Variants in MAP4K4 observed in about 807,000 individuals in gnomAD.
MAP4K4 encodes mitogen-activated protein kinase kinase kinase kinase 4.
A neutral mutation model predicts 189.6 loss-of-function variants in MAP4K4; 38 were observed. The ratio of observed to expected loss-of-function variants is 0.20; its 90% CI spans 0.15 to 0.26. The LOEUF (loss-of-function observed/expected upper bound fraction) is 0.26, where lower values mean the gene tolerates loss of function less well. Ranked by LOEUF, MAP4K4 falls within the 10% of genes least tolerant of loss-of-function variation. The pLI is 1.00. For missense variants in MAP4K4, 1,054 were observed against 1,726.9 expected, an observed-to-expected ratio of 0.61 and a Z score of 6.91; for synonymous variants, 610 against 624.3, an observed-to-expected ratio of 0.98 and a Z score of 0.34.
At chr2:101,698,171 G>GAGCAGCC in intron 1 of MAP4K4, 34 bp downstream of exon 1, 1 of 959,354 alleles carries the variant, frequency 1.0e-6, no homozygotes, top group Non-Finnish European at 1.3e-6. Context: ...CGCGGGGAGC[G>GAGCAGCC]GGCAGCCGGC....
intron 13 of MAP4K4, 25 bp from the exon 14 acceptor site, chr2:101,858,970 AT>A: frequency 6.4e-7 from 1 of 1,573,008 alleles, no homozygotes; most frequent in East Asian, 2.3e-5. Context: ...GGATAATTTG[AT>A]TGCTGGGTGA....
At chr2:101,771,075 A>C (rs2081213641) in intron 2 of MAP4K4, among the ~76,000 whole-genome samples, 1 of 152,190 alleles carries the variant, frequency 6.6e-6, no homozygotes, top group African/African-American at 2.4e-5. Flanking sequence ...AAGTAATAAA[A>C]TAGTTGGATA....
At chr2:101,773,245 A>G (rs190213636) in intron 2 of MAP4K4, among the ~76,000 whole-genome samples, 1 of 152,300 alleles carries the variant, frequency 6.6e-6, no homozygotes, top group Admixed American at 6.5e-5. Context: ...TTTGCTTGAC[A>G]ATGTGGTAAG....
intron 21 of MAP4K4, 123 bp from the exon 22 acceptor site, chr2:101,869,499 A>G: frequency 4.3e-6 from 3 of 691,904 alleles, no homozygotes; most frequent in Non-Finnish European, 7.4e-6. Context: ...TTCTCATGAA[A>G]CTGGGTAACT....
At chr2:101,753,956 G>A (rs771100525) in intron 2 of MAP4K4, among the ~76,000 whole-genome samples, 4 of 152,100 alleles carry the variant, frequency 2.6e-5, no homozygotes, top group Non-Finnish European at 5.9e-5. Context: ...GACAGCTAGC[G>A]CCTGGGGTCT....
At chr2:101,891,284 G>A (rs374637946) in exon 33 of MAP4K4, 1 of 1,566,568 alleles carries the variant, frequency 6.4e-7, no homozygotes, top group Admixed American at 1.7e-5. Flanking sequence ...GGCCTCCAGA[G>A]TCTTCAAGAT....
chr2:101,865,070 C>A, intron 18 of MAP4K4, 34 bp downstream of exon 18: 1 of 1,296,764 alleles, frequency 7.7e-7, no homozygotes, highest in Non-Finnish European at 1.1e-6. Context: ...AACAGGCCTT[C>A]TGTGCAGTCT....
intron 2 of MAP4K4, among the ~76,000 whole-genome samples, chr2:101,761,610 G>C (rs114725563): frequency 0.059 from 8,856 of 150,862 alleles, 309 homozygotes; most frequent in African/African-American, 0.091. Flanking sequence ...CCGGGCTGGA[G>C]TGCAATGGCA....
intron 6 of MAP4K4, among the ~76,000 whole-genome samples, chr2:101,831,314 G>A (rs773288725): frequency 6.6e-6 from 1 of 152,022 alleles, no homozygotes; most frequent in Non-Finnish European, 1.5e-5. Context: ...TATCTTTATG[G>A]TTATTAGTGC....
intron 3 of MAP4K4, among the ~76,000 whole-genome samples, chr2:101,807,347 A>G (rs942030033): frequency 1.3e-5 from 2 of 152,062 alleles, no homozygotes; most frequent in Non-Finnish European, 2.9e-5. Context: ...GATTATAGGT[A>G]TGAGCCACTG....
At chr2:101,777,611 C>T (rs9808549) in intron 2 of MAP4K4, among the ~76,000 whole-genome samples, 5,163 of 152,308 alleles carry the variant, frequency 0.034, 303 homozygotes, top group African/African-American at 0.12. Flanking sequence ...CTCCCCATCT[C>T]TCGCATTCCG....
rs868664885 is a variant in MAP4K4 at position 101,863,951 on chromosome 2, G to A, written c.1997G>A (p.Arg666His). 9 of 1,367,482 alleles carry A rather than the reference G, an allele frequency of 6.6e-6. No individual in the cohort carries two copies. The Admixed American group carries it at 7.6e-5, about 12-fold the overall frequency. The allele number at this position is 1,367,482 out of a possible 1,614,324, so 84.7% of individuals were successfully genotyped here. ...TCTCAGGACCCATGTCCACCTTCCC[G>A]CAGTGAGGTGCTCAGTCAGAGCTCT... The change falls in exon 17 of 33, where the codon CGC becomes CAC. Residue 666 changes from arginine to histidine, a missense_variant. Transcript: ENST00000324219.
chr2:101,757,538 A>C (rs1423231530), intron 2 of MAP4K4, among the ~76,000 whole-genome samples: 1 of 152,226 alleles, frequency 6.6e-6, no homozygotes, highest in Non-Finnish European at 1.5e-5. Flanking sequence ...ATACAGACTC[A>C]ATAGATACAT....
exon 25 of MAP4K4, chr2:101,873,670 C>T: frequency 1.2e-6 from 2 of 1,610,272 alleles, no homozygotes; most frequent in African/African-American, 1.3e-5. Flanking sequence ...GTAGCACACT[C>T]CAGAAACACA....
At chr2:101,840,879 T>G (rs1027578652) in intron 10 of MAP4K4, among the ~76,000 whole-genome samples, 3 of 152,258 alleles carry the variant, frequency 2.0e-5, no homozygotes, top group Non-Finnish European at 4.4e-5. Flanking sequence ...CAGAATAACC[T>G]TTTTCCTTCT....
intron 2 of MAP4K4, among the ~76,000 whole-genome samples, chr2:101,761,918 A>G (rs764728178): frequency 6.6e-5 from 10 of 152,152 alleles, no homozygotes; most frequent in Non-Finnish European, 5.9e-5. Flanking sequence ...AGCTACATTC[A>G]GCGCTGGTGC....
At chr2:101,760,503 A>AATATATATAT (rs35922398) in intron 2 of MAP4K4, among the ~76,000 whole-genome samples, 14 of 133,150 alleles carry the variant, frequency 1.1e-4, no homozygotes, top group African/African-American at 3.5e-4. Context: ...AAAAAAACAA[A>AATATATATAT]ATATATATAT....
At chr2:101,892,315 G>A (rs1337720549) in exon 33 of MAP4K4, 1 of 152,900 alleles carries the variant, frequency 6.5e-6, no homozygotes, top group Non-Finnish European at 1.5e-5. Context: ...CCAGATTGAA[G>A]TTTGACTTTT....
chr2:101,782,122 AG>A, intron 2 of MAP4K4, among the ~76,000 whole-genome samples: 1 of 152,368 alleles, frequency 6.6e-6, no homozygotes, highest in African/African-American at 2.4e-5. Context: ...TCAAGAATTC[AG>A]GGTTTAGAAA....
Sources: gnomAD v4.1 joint callset for allele counts (sites outside exome capture counted in the v4.1 genomes callset) on GRCh38, gnomAD v4.1.1 for gene constraint, MANE v1.5 for transcripts, NCBI Gene and HGNC (gene_info 2026-07-23, HGNC 2026-07-21) for gene names.